The following MAP2K1 variants were observed in gnomAD, a reference collection of about 807,000 sequenced individuals.
The protein encoded by MAP2K1 is mitogen-activated protein kinase kinase 1, also known as dual specificity mitogen-activated protein kinase kinase 1.
A neutral mutation model predicts 46.3 loss-of-function variants in MAP2K1; 16 were observed. That is an observed-to-expected ratio of 0.35 (90% CI 0.23 to 0.52). MAP2K1 has a LOEUF of 0.52. Ranked by LOEUF, MAP2K1 falls within the 20% of genes least tolerant of loss-of-function variation. MAP2K1 has a pLI of 0.94. For synonymous variants in MAP2K1, 183 were observed against 185.6 expected, an observed-to-expected ratio of 0.99 and a Z score of 0.11; for missense variants, 263 against 497.1, an observed-to-expected ratio of 0.53 and a Z score of 4.48.
intron 5 of MAP2K1, among the ~76,000 whole-genome samples, chr15:66,464,747 G>A (rs550015832): frequency 2.0e-5 from 3 of 151,322 alleles, no homozygotes; most frequent in South Asian, 2.1e-4. Flanking sequence ...CTGTGGTCTC[G>A]AACTCCCAAC....
chr15:66,437,915 T>A (rs1430594000), intron 3 of MAP2K1, among the ~76,000 whole-genome samples: 1 of 152,044 alleles, frequency 6.6e-6, no homozygotes, highest in African/African-American at 2.4e-5. Flanking sequence ...ATATGAACAT[T>A]TCTGGCTTGG....
At chr15:66,400,910 G>A (rs1269722575) in intron 1 of MAP2K1, among the ~76,000 whole-genome samples, 1 of 152,142 alleles carries the variant, frequency 6.6e-6, no homozygotes, top group East Asian at 1.9e-4. Context: ...CCTTTGAATA[G>A]TTGCCTGCTT....
chr15:66,420,745 G>A lies in MAP2K1; in HGVS notation c.81-14282G>A, dbSNP rs867252417. Among the ~76,000 whole-genome samples, 23 of 36,156 alleles carry A rather than the reference G, an allele frequency of 6.4e-4. 1 individual carries two copies. Among genetic ancestry groups the A allele is most frequent in the African/African-American group, 1.2e-3 (13 of 11,140 alleles). The allele number at this position is 36,156 out of a possible 152,430, so 23.7% of individuals were successfully genotyped here. ...TATGTGTGTGTGTGTGTGTGTGTGT[G>A]TGTGTGTGTGTGTGTATGTGTGTAT... On this transcript the variant is annotated intron_variant, in intron 1 of 10. Transcript: ENST00000307102.
At chr15:66,431,574 T>C (rs2093475102) in intron 1 of MAP2K1, among the ~76,000 whole-genome samples, 1 of 152,238 alleles carries the variant, frequency 6.6e-6, no homozygotes, top group Admixed American at 6.5e-5. Context: ...TATATTAGTG[T>C]AGAAATGTGT....
chr15:66,418,787 C>T (rs1057416767), intron 1 of MAP2K1, among the ~76,000 whole-genome samples: 4 of 151,788 alleles, frequency 2.6e-5, no homozygotes, highest in African/African-American at 2.4e-5. Flanking sequence ...CTCAGCCTCC[C>T]GAGCACCCGC....
intron 1 of MAP2K1, among the ~76,000 whole-genome samples, chr15:66,395,149 A>G (rs1354231870): frequency 6.6e-6 from 1 of 152,244 alleles, no homozygotes; most frequent in African/African-American, 2.4e-5. Context: ...GAAACCACAG[A>G]TATCAATAGT....
chr15:66,388,904 C>CTTTTTT (rs72328500), intron 1 of MAP2K1, among the ~76,000 whole-genome samples: 18 of 111,930 alleles, frequency 1.6e-4, no homozygotes, highest in African/African-American at 1.7e-4. Context: ...AACATTTGTT[C>CTTTTTT]TTTTTTTTTT....
chr15:66,421,716 C>T (rs892353680), intron 1 of MAP2K1, among the ~76,000 whole-genome samples: 1 of 151,142 alleles, frequency 6.6e-6, no homozygotes, highest in African/African-American at 2.4e-5. Flanking sequence ...GGGAGGAACA[C>T]TTGAACCAGG....
In MAP2K1 at chr15:66,386,980, G is replaced by C. The variant is rs1472150646; in HGVS notation, c.-368G>C. 4 of 272,504 alleles carry C rather than the reference G, an allele frequency of 1.5e-5. No homozygotes were observed. Among genetic ancestry groups the C allele is most frequent in the African/African-American group, 2.2e-5 (1 of 46,320 alleles). 16.9% of individuals were successfully genotyped at this position (272,504 alleles called of 1,614,324 possible). The stretch of plus-strand genomic sequence containing the variant: ...GGCGGCGGCACTTTCCCCGGCAGGA[G>C]CTGGAGCTGGGCTCTGGTGCGCGCG... On this transcript the variant is annotated 5_prime_UTR_variant, in exon 1 of 11. Transcript: ENST00000307102.
chr15:66,391,257 C>G (rs2093355538), intron 1 of MAP2K1, among the ~76,000 whole-genome samples: 1 of 152,158 alleles, frequency 6.6e-6, no homozygotes, highest in Admixed American at 6.6e-5. Flanking sequence ...TAATATTTAT[C>G]TCTCCTGTAC....
chr15:66,470,091 C>CTTTTTT (rs1567021186), intron 5 of MAP2K1, among the ~76,000 whole-genome samples: 18 of 55,688 alleles, frequency 3.2e-4, no homozygotes, highest in South Asian at 1.3e-3. Context: ...ACTTTTTTTT[C>CTTTTTT]TTGTTTTTTT....
intron 7 of MAP2K1, among the ~76,000 whole-genome samples, chr15:66,486,385 TC>T (rs1159025759): frequency 6.6e-6 from 1 of 151,678 alleles, no homozygotes; most frequent in East Asian, 1.9e-4. Flanking sequence ...CATCCCCCAC[TC>T]CCCCCTGCCT....
At chr15:66,466,541 G>A (rs186274190) in intron 5 of MAP2K1, among the ~76,000 whole-genome samples, 8 of 152,110 alleles carry the variant, frequency 5.3e-5, no homozygotes, top group Non-Finnish European at 7.4e-5. Context: ...TTAGCTGGGC[G>A]TGGTGGTGTG....
intron 1 of MAP2K1, among the ~76,000 whole-genome samples, chr15:66,412,838 G>A (rs550982923): frequency 6.8e-4 from 103 of 152,022 alleles, no homozygotes; most frequent in African/African-American, 1.9e-3. Context: ...GACTACAGGC[G>A]CATGCCACTG....
intron 5 of MAP2K1, among the ~76,000 whole-genome samples, chr15:66,475,557 C>A (rs1027648643): frequency 1.3e-5 from 2 of 152,156 alleles, no homozygotes; most frequent in Non-Finnish European, 2.9e-5. Flanking sequence ...TTCCATCTTG[C>A]CTTAGGGAAT....
intron 1 of MAP2K1, among the ~76,000 whole-genome samples, chr15:66,428,773 C>CTTTTTTTT (rs1196428468): frequency 5.1e-5 from 4 of 78,196 alleles, no homozygotes; most frequent in African/African-American, 2.3e-4. Flanking sequence ...ATTTTCTTTC[C>CTTTTTTTT]TTTTTTTTTT....
intron 1 of MAP2K1, among the ~76,000 whole-genome samples, chr15:66,430,009 C>T (rs182275592): frequency 4.6e-5 from 7 of 152,232 alleles, no homozygotes; most frequent in Admixed American, 2.6e-4. Flanking sequence ...TCCCTTCCCT[C>T]CTCTCCTCCT....
intron 5 of MAP2K1, among the ~76,000 whole-genome samples, chr15:66,468,230 A>G (rs1214183445): frequency 6.6e-6 from 1 of 152,232 alleles, no homozygotes; most frequent in African/African-American, 2.4e-5. Context: ...CATATTAGAC[A>G]TACTGATAGA....
chr15:66,487,636 T>G (rs1893087903), intron 8 of MAP2K1, among the ~76,000 whole-genome samples: 1 of 152,132 alleles, frequency 6.6e-6, no homozygotes, highest in Non-Finnish European at 1.5e-5. Flanking sequence ...TGTCACAGGT[T>G]CAGTCTACTA....
Sources: allele counts gnomAD v4.1 joint callset (sites outside exome capture counted in the v4.1 genomes callset), GRCh38; gene constraint gnomAD v4.1.1; transcripts MANE v1.5; gene names NCBI Gene and HGNC (gene_info 2026-07-23, HGNC 2026-07-21).